The following MTMR14 variants were observed in gnomAD, a reference collection of about 807,000 sequenced individuals.
MTMR14 encodes the protein myotubularin related protein 14.
Under a neutral mutation model 86.3 loss-of-function variants are expected in MTMR14, and 48 were observed. The ratio of observed to expected loss-of-function variants is 0.56; its 90% CI spans 0.44 to 0.71. The LOEUF (loss-of-function observed/expected upper bound fraction) is 0.71, where lower values mean the gene tolerates loss of function less well. Among genes scored for constraint, MTMR14 ranks in the 30% least tolerant of loss-of-function variants. The probability of loss-of-function intolerance (pLI) is 0.00; values close to 1 mark genes in which losing one functional copy is unlikely to be tolerated. For synonymous variants in MTMR14, 366 were observed against 326.1 expected (o/e 1.12, Z -1.32); for missense variants, 780 against 834.6 (o/e 0.93, Z 0.81).
chr3:9,675,743 A>G (rs2075548930), intron 7 of MTMR14: 4 of 456,302 alleles, frequency 8.8e-6, no homozygotes, highest in African/African-American at 2.0e-5. Context: ...CTGCTTCTGC[A>G]TCATAGGCGG....
chr3:9,653,815 C>T (rs1377956891), intron 2 of MTMR14, 46 bp downstream of exon 2: 1 of 1,612,976 alleles, frequency 6.2e-7, no homozygotes, highest in East Asian at 2.2e-5. Flanking sequence ...GAGTCCGTGG[C>T]AGCTAATCCC....
intron 12 of MTMR14, 38 bp downstream of exon 12, chr3:9,685,002 AAC>A: frequency 3.1e-6 from 5 of 1,592,848 alleles, no homozygotes; most frequent in Non-Finnish European, 4.3e-6. Flanking sequence ...GGGCCTTAGT[AAC>A]AGTTTCTATA....
rs77041567 is a variant in MTMR14, at chr3:9,674,369, G to T, written c.751+1611G>T. On this transcript the variant is annotated intron_variant, in intron 7 of 18. Coordinates refer to ENST00000296003, the MANE Select transcript of MTMR14 (RefSeq NM_001077525.3). The stretch of plus-strand genomic sequence containing the variant: ...CATTAGGCTGTAATTCAGCCACTTG[G>T]TGTTGAGGACGTTCATCATGATGTC... Among the ~76,000 whole-genome samples the T allele has an allele frequency of 6.5e-3, 986 of 152,318 alleles. 34 individuals are homozygous for T. Among genetic ancestry groups the T allele is most frequent in the East Asian group, 0.049 (252 of 5,184 alleles).
chr3:9,654,776 C>G (rs755266761), intron 2 of MTMR14, among the ~76,000 whole-genome samples: 17 of 152,194 alleles, frequency 1.1e-4, no homozygotes, highest in Admixed American at 4.6e-4. Context: ...GTTAGAAACG[C>G]AGAAGCTCAT....
At chr3:9,665,762 G>C (rs1408323103) in intron 3 of MTMR14, among the ~76,000 whole-genome samples, 1 of 141,870 alleles carries the variant, frequency 7.0e-6, no homozygotes, top group South Asian at 2.2e-4. Flanking sequence ...ACAGAGTCTC[G>C]CTGTCGCCCA....
intron 1 of MTMR14, among the ~76,000 whole-genome samples, chr3:9,652,276 A>G (rs373467404): frequency 2.6e-5 from 4 of 152,034 alleles, no homozygotes; most frequent in African/African-American, 9.7e-5. Context: ...CCTCTTGCAA[A>G]CTTCTTGATG....
intron 3 of MTMR14, among the ~76,000 whole-genome samples, chr3:9,665,225 T>A (rs566321888): frequency 6.9e-6 from 1 of 144,278 alleles, no homozygotes; most frequent in South Asian, 2.1e-4. Flanking sequence ...GAAGTTGCAG[T>A]GAGCCGAGAT....
chr3:9,667,684 C>A (rs1181797462), intron 3 of MTMR14, among the ~76,000 whole-genome samples: 2 of 152,142 alleles, frequency 1.3e-5, no homozygotes, highest in African/African-American at 4.8e-5. Context: ...CTATTGCTGT[C>A]CCCACGTCCC....
intron 1 of MTMR14, among the ~76,000 whole-genome samples, chr3:9,651,432 A>G (rs1386340238): frequency 6.6e-6 from 1 of 152,000 alleles, no homozygotes; most frequent in Non-Finnish European, 1.5e-5. Flanking sequence ...GCTGTAGGTC[A>G]TTGGTTTTTC....
intron 18 of MTMR14, among the ~76,000 whole-genome samples, 156 bp downstream of exon 18, chr3:9,698,022 A>C (rs975416879): frequency 2.0e-5 from 3 of 152,248 alleles, no homozygotes; most frequent in Non-Finnish European, 4.4e-5. Context: ...GGTATGAAGG[A>C]GGCCTGTGGC....
At chr3:9,683,265 G>A (rs752281705) in intron 10 of MTMR14, 21 bp downstream of exon 10, 1 of 1,611,540 alleles carries the variant, frequency 6.2e-7, no homozygotes, top group African/African-American at 1.3e-5. Flanking sequence ...CTCCTCCAGA[G>A]CCCTCGAGCC....
At chr3:9,674,939 C>T (rs977201810) in intron 7 of MTMR14, among the ~76,000 whole-genome samples, 6 of 152,220 alleles carry the variant, frequency 3.9e-5, no homozygotes, top group Non-Finnish European at 8.8e-5. Flanking sequence ...TGGAGAAACC[C>T]TATCTCTACT....
chr3:9,688,025 C>G (rs560708913), intron 14 of MTMR14, 134 bp downstream of exon 14: 20 of 784,012 alleles, frequency 2.6e-5, no homozygotes, highest in Non-Finnish European at 3.9e-5. Flanking sequence ...CTCCTGCCTT[C>G]GCTCTGAGGC....
At chr3:9,667,366 G>T (rs1000043173) in intron 3 of MTMR14, among the ~76,000 whole-genome samples, 8 of 152,168 alleles carry the variant, frequency 5.3e-5, no homozygotes, top group African/African-American at 1.9e-4. Flanking sequence ...AACGGGGTCT[G>T]GGAATGGGTT....
intron 2 of MTMR14, among the ~76,000 whole-genome samples, chr3:9,658,552 G>A (rs1052420457): frequency 6.6e-6 from 1 of 152,230 alleles, no homozygotes; most frequent in Non-Finnish European, 1.5e-5. Context: ...GGGAAGTACA[G>A]GTGAGGCCCT....
intron 2 of MTMR14, among the ~76,000 whole-genome samples, chr3:9,656,024 G>A (rs546804561): frequency 6.6e-6 from 1 of 151,690 alleles, no homozygotes; most frequent in Non-Finnish European, 1.5e-5. Flanking sequence ...GTGAAACCCC[G>A]TATCTACTAA....
intron 1 of MTMR14, among the ~76,000 whole-genome samples, chr3:9,651,792 A>C (rs1219902013): frequency 6.6e-6 from 1 of 151,098 alleles, no homozygotes; most frequent in Admixed American, 6.6e-5. Context: ...CAGCCTCCCT[A>C]GTAGCTGGGA....
At chr3:9,695,981 C>T (rs966546045) in intron 17 of MTMR14, among the ~76,000 whole-genome samples, 5 of 152,162 alleles carry the variant, frequency 3.3e-5, no homozygotes, top group African/African-American at 4.8e-5. Flanking sequence ...CCTGCTCTGT[C>T]GGGCCCTAGG....
Position 9,672,709 on chromosome 3 carries a change from C to A in MTMR14, c.702C>A (p.Asp234Glu), listed in dbSNP as rs767978492. ...GMNVTSSEKVDKAQRYADFTL... is the reference protein window; with the variant it reads ...GMNVTSSEKVEKAQRYADFTL... ...GTGTAACCTCCTCTGAGAAGGTGGACAAAGCCCAGCGCTATGCCGACTTCA... is the reference window on the plus strand; with the variant it reads ...GTGTAACCTCCTCTGAGAAGGTGGAAAAAGCCCAGCGCTATGCCGACTTCA... The change falls in exon 7 of 19, where the codon GAC becomes GAA. Residue 234 changes from aspartate to glutamate, a missense_variant. Transcript: ENST00000296003. 4 of 1,614,050 alleles carry A rather than the reference C, an allele frequency of 2.5e-6. No individual in the cohort carries two copies. The highest frequency in any genetic ancestry group is 3.4e-6 in the Non-Finnish European group (4 of 1,180,028).
Sources: gnomAD v4.1 joint callset for allele counts (sites outside exome capture counted in the v4.1 genomes callset) on GRCh38, gnomAD v4.1.1 for gene constraint, MANE v1.5 for transcripts, NCBI Gene and HGNC (gene_info 2026-07-23, HGNC 2026-07-21) for gene names.